Variants in SEMA6D observed in about 807,000 individuals in gnomAD.
SEMA6D encodes semaphorin-6D.
Under a neutral mutation model 106.6 loss-of-function variants are expected in SEMA6D, and 35 were observed. The ratio of observed to expected loss-of-function variants is 0.33; its 90% CI spans 0.25 to 0.44. The LOEUF is 0.44. SEMA6D is among the 20% of genes least tolerant of loss of function. The pLI is 1.00. For synonymous variants in SEMA6D, 499 were observed against 487.7 expected, an observed-to-expected ratio of 1.02 and a Z score of -0.31; for missense variants, 1,185 against 1,345.9, an observed-to-expected ratio of 0.88 and a Z score of 1.87.
intron 1 of SEMA6D, among the ~76,000 whole-genome samples, chr15:47,367,972 T>C (rs560295267): frequency 2.0e-5 from 3 of 152,116 alleles, no homozygotes; most frequent in East Asian, 3.9e-4. Flanking sequence ...GCTCCTTTTT[T>C]TTTTTTCAGA....
chr15:47,210,802 A>C (rs564792507), intron 1 of SEMA6D, among the ~76,000 whole-genome samples: 20 of 150,642 alleles, frequency 1.3e-4, no homozygotes, highest in African/African-American at 1.2e-4. Context: ...AGCCATTGGC[A>C]GTGTGAATCT....
intron 3 of SEMA6D, among the ~76,000 whole-genome samples, chr15:47,566,848 C>T (rs528817170): frequency 3.3e-5 from 5 of 152,150 alleles, no homozygotes; most frequent in African/African-American, 4.8e-5. Context: ...GTAGTCCTGA[C>T]AAAAATATGG....
chr15:47,713,766 G>C (rs530172927), upstream of SEMA6D, among the ~76,000 whole-genome samples: 12 of 152,276 alleles, frequency 7.9e-5, no homozygotes, highest in African/African-American at 2.9e-4. Flanking sequence ...GTGTGTATCA[G>C]AATTAATAGA....
chr15:47,698,806 A>G (rs1566996152), intron 4 of SEMA6D, among the ~76,000 whole-genome samples: 1 of 152,142 alleles, frequency 6.6e-6, no homozygotes, highest in Non-Finnish European at 1.5e-5. Flanking sequence ...TGCAGTCACT[A>G]TCAGAGTTGC....
Position 47,524,926 on chromosome 15 carries a change from G to A in SEMA6D, c.-87+54381G>A, listed in dbSNP as rs74565595. Among the ~76,000 whole-genome samples the A allele has an allele frequency of 4.0e-4, 61 of 152,256 alleles. 1 individual carries two copies. In the East Asian group the frequency reaches 0.011, roughly 28 times the overall value. ...AGCATATTAATGAGACAAAAAAAGGGTTCCTTCATGAAAGTGCTCACGGAC... is the reference window on the plus strand; with the variant it reads ...AGCATATTAATGAGACAAAAAAAGGATTCCTTCATGAAAGTGCTCACGGAC... On this transcript the variant is annotated intron_variant, in intron 3 of 19. Coordinates refer to the SEMA6D transcript ENST00000558014.
intron 2 of SEMA6D, among the ~76,000 whole-genome samples, chr15:47,465,394 T>C (rs909785876): frequency 2.0e-5 from 3 of 152,196 alleles, no homozygotes; most frequent in Non-Finnish European, 4.4e-5. Flanking sequence ...AAAATTCTTA[T>C]TGCCTAGACT....
At chr15:47,754,819 C>A (rs914633757) in intron 1 of SEMA6D, among the ~76,000 whole-genome samples, 4 of 152,092 alleles carry the variant, frequency 2.6e-5, no homozygotes, top group African/African-American at 4.8e-5. Flanking sequence ...AAACTTTTTG[C>A]TCTCCATATT....
At position 47,772,000 on chromosome 15, in the gene SEMA6D, G is replaced by A; in HGVS notation, c.*215G>A. ...TTGCCTGAAAACAAAGGAAGGTGCTGGTCATTCCATTTCTTTTGTTTGAAG... is the reference window on the plus strand; with the variant it reads ...TTGCCTGAAAACAAAGGAAGGTGCTAGTCATTCCATTTCTTTTGTTTGAAG... On this transcript the variant is annotated 3_prime_UTR_variant, in exon 19 of 19. Transcript: ENST00000536845. 1 of 555,172 alleles carries A rather than the reference G, an allele frequency of 1.8e-6. No individual in the cohort carries two copies. Among genetic ancestry groups the A allele is most frequent in the Non-Finnish European group, 3.2e-6 (1 of 314,590 alleles). 34.4% of individuals were successfully genotyped at this position (555,172 alleles called of 1,614,324 possible). A position where few individuals can be genotyped will look rare whatever the true frequency, so the allele number is the denominator to read the frequency against.
intron 1 of SEMA6D, among the ~76,000 whole-genome samples, chr15:47,377,266 G>C (rs1419242177): frequency 6.6e-6 from 1 of 152,096 alleles, no homozygotes; most frequent in Non-Finnish European, 1.5e-5. Context: ...GTGTCTTAAC[G>C]AATGAAATGA....
At chr15:47,221,661 G>A (rs1021134943) in intron 1 of SEMA6D, among the ~76,000 whole-genome samples, 1 of 152,150 alleles carries the variant, frequency 6.6e-6, no homozygotes, top group Non-Finnish European at 1.5e-5. Flanking sequence ...AAAGACAGTG[G>A]CAGTATCTCT....
At chr15:47,282,127 A>G (rs573472954) in intron 1 of SEMA6D, among the ~76,000 whole-genome samples, 1 of 152,322 alleles carries the variant, frequency 6.6e-6, no homozygotes, top group East Asian at 1.9e-4. Flanking sequence ...GTGTGCATAT[A>G]CATGTATAGG....
In SEMA6D at chr15:47,346,169, A is replaced by T. The variant is rs548679110; in HGVS notation, c.-238-66224A>T. ...AAATTCTGGTTTTGCTAACCTTATT[A>T]CATAGGTGAGTTTGGATTGACAAAC... On this transcript the variant is annotated intron_variant, in intron 1 of 19. Transcript: ENST00000558014. Among the ~76,000 whole-genome samples, 4 of 152,298 alleles carry T rather than the reference A, an allele frequency of 2.6e-5. No homozygotes were observed. In the South Asian group the frequency reaches 6.2e-4, roughly 24 times the overall value.
chr15:47,341,321 T>C (rs2037803713), intron 1 of SEMA6D, among the ~76,000 whole-genome samples: 1 of 151,866 alleles, frequency 6.6e-6, no homozygotes, highest in African/African-American at 2.4e-5. Context: ...ACCCGGGAGG[T>C]AGAGGTTGCA....
At chr15:47,543,139 G>T (rs2045408695) in intron 3 of SEMA6D, among the ~76,000 whole-genome samples, 1 of 152,152 alleles carries the variant, frequency 6.6e-6, no homozygotes, top group African/African-American at 2.4e-5. Flanking sequence ...TGTTGACACA[G>T]TATAGATGTT....
intron 2 of SEMA6D, among the ~76,000 whole-genome samples, chr15:47,454,118 A>C (rs148498695): frequency 6.6e-6 from 1 of 151,928 alleles, no homozygotes; most frequent in African/African-American, 2.4e-5. Flanking sequence ...CTCAGTGGGC[A>C]TTTCTGGAGA....
Position 47,191,588 on chromosome 15 carries a change from G to A in SEMA6D, c.-239+7170G>A, listed in dbSNP as rs369936901. ...AATAAACATTGAATGAGGACTTACC[G>A]TGTCCCAGGTATTGAAATAAGAAAT... On this transcript the variant is annotated intron_variant, in intron 1 of 19. Coordinates refer to the SEMA6D transcript ENST00000558014. Among the ~76,000 whole-genome samples, 19 of 152,198 alleles carry A rather than the reference G, an allele frequency of 1.2e-4. No individual in the cohort carries two copies. The East Asian group carries it at 2.3e-3, about 19-fold the overall frequency.
In SEMA6D at chr15:47,766,001, A is replaced by G. The variant is rs2082317294; in HGVS notation, c.1560A>G (p.Ser520=). Residue 520 remains serine (S), a synonymous_variant, in exon 14 of 19, where the codon TCA becomes TCG. Coordinates refer to ENST00000536845, the MANE Select transcript of SEMA6D (RefSeq NM_001358351.3). ...IPLSRCERYG[S]CKKSCIASRD... is the part of the protein sequence containing the mutation. Reference sequence around the variant, plus strand: ...TCAGTCGCTGTGAGCGTTATGGATCATGTAAAAAGTAAGCTCGTGTTTCTT... The same window carrying G: ...TCAGTCGCTGTGAGCGTTATGGATCGTGTAAAAAGTAAGCTCGTGTTTCTT... The G allele has an allele frequency of 1.2e-6, 2 of 1,601,502 alleles. No individual in the cohort carries two copies. Among genetic ancestry groups the G allele is most frequent in the South Asian group, 2.2e-5 (2 of 89,134 alleles).
At chr15:47,589,594 C>T (rs993972045) in intron 3 of SEMA6D, among the ~76,000 whole-genome samples, 1 of 152,256 alleles carries the variant, frequency 6.6e-6, no homozygotes, top group Non-Finnish European at 1.5e-5. Context: ...TTCTAGTCTG[C>T]TCATGTCCAC....
intron 4 of SEMA6D, among the ~76,000 whole-genome samples, chr15:47,690,155 G>A (rs1473222936): frequency 6.6e-6 from 1 of 152,158 alleles, no homozygotes; most frequent in Non-Finnish European, 1.5e-5. Flanking sequence ...TGAAGTTATA[G>A]GCAGTAGGAA....
Sources: gnomAD v4.1 joint callset for allele counts (sites outside exome capture counted in the v4.1 genomes callset) on GRCh38, gnomAD v4.1.1 for gene constraint, MANE v1.5 for transcripts, NCBI Gene and HGNC (gene_info 2026-07-23, HGNC 2026-07-21) for gene names.